The following ANKRD24 variants were observed in gnomAD, a reference collection of about 807,000 sequenced individuals.
ANKRD24 encodes the protein ankyrin repeat domain 24.
ANKRD24 carries 109 observed loss-of-function variants against 127.8 expected under a neutral mutation model. That is an observed-to-expected ratio of 0.85 (90% CI 0.73 to 1.00). ANKRD24 has a LOEUF of 1.00. ANKRD24 is among the 50% of genes least tolerant of loss of function. The probability of loss-of-function intolerance (pLI) is 0.00; values close to 1 mark genes in which losing one functional copy is unlikely to be tolerated. For missense variants in ANKRD24, 1,648 were observed against 1,570.2 expected, an observed-to-expected ratio of 1.05 and a Z score of -0.84; for synonymous variants, 743 against 671.1, an observed-to-expected ratio of 1.11 and a Z score of -1.66.
intron 13 of ANKRD24, among the ~76,000 whole-genome samples, chr19:4,211,367 G>A (rs774640835): frequency 2.1e-4 from 32 of 152,052 alleles, no homozygotes; most frequent in Non-Finnish European, 3.4e-4. Context: ...GGCTGGGCAC[G>A]GTGGCTCACA....
chr19:4,213,612 T>C (rs1436607060), intron 15 of ANKRD24, among the ~76,000 whole-genome samples: 3 of 151,500 alleles, frequency 2.0e-5, no homozygotes, highest in African/African-American at 4.9e-5. Context: ...CACGTCACCA[T>C]GTCCAGCTAA....
Position 4,207,558 on chromosome 19 carries a change from C to G in ANKRD24, c.595C>G (p.Leu199Val). 1 of 1,613,964 alleles carries G rather than the reference C, an allele frequency of 6.2e-7. No homozygotes were observed. Reference sequence around the variant, plus strand: ...GATGTGTCACACAGACCTGTGCCGTCTCCTACTGCAGCAAGGGGCTGCCGC... The same window carrying G: ...GATGTGTCACACAGACCTGTGCCGTGTCCTACTGCAGCAAGGGGCTGCCGC... ...AQMCHTDLCRLLLQQGAAAND... is the reference protein window; with the variant it reads ...AQMCHTDLCRVLLQQGAAAND... Residue 199 changes from leucine to valine, a missense_variant, in exon 9 of 22, where the codon CTC becomes GTC. Coordinates refer to ENST00000318934, the MANE Select transcript of ANKRD24 (RefSeq NM_001393985.1).
chr19:4,224,565 A>AAGGGGCCTGCAGGG lies in ANKRD24; in HGVS notation c.*60_*61insAGGGGCCTGCAGGG. ...CCACGCAGGGACCTCACCCCCCTGC[A>AAGGGGCCTGCAGGG]GGCCCCTTGCAGACCGGCTTCACTT... is the stretch of plus-strand genomic sequence containing the variant. On this transcript the variant is annotated 3_prime_UTR_variant, in exon 22 of 22. Transcript: ENST00000318934. 6.7e-7 allele frequency: 1 copy of AAGGGGCCTGCAGGG among 1,483,330 alleles called. No individual in the cohort carries two copies. Among genetic ancestry groups the AAGGGGCCTGCAGGG allele is most frequent in the Non-Finnish European group, 9.2e-7 (1 of 1,083,184 alleles). 91.9% of individuals were successfully genotyped at this position (1,483,330 alleles called of 1,614,324 possible). A position where few individuals can be genotyped will look rare whatever the true frequency, so the allele number is the denominator to read the frequency against.
intron 2 of ANKRD24, among the ~76,000 whole-genome samples, chr19:4,192,592 A>G (rs1599399366): frequency 1.3e-5 from 2 of 152,204 alleles, no homozygotes; most frequent in Admixed American, 6.6e-5. Context: ...ACTAAGATAG[A>G]CAAAAATCAC....
intron 7 of ANKRD24, among the ~76,000 whole-genome samples, chr19:4,206,265 CAGG>C (rs757203685): frequency 1.1e-4 from 17 of 151,712 alleles, no homozygotes; most frequent in South Asian, 6.3e-4. Flanking sequence ...GAGCCAGAGG[CAGG>C]AGGATTGCTT....
chr19:4,203,829 T>C (rs193096493), intron 7 of ANKRD24, among the ~76,000 whole-genome samples: 73 of 151,976 alleles, frequency 4.8e-4, no homozygotes, highest in Non-Finnish European at 7.9e-4. Context: ...TTTTGTATTT[T>C]TAGTAGAGAT....
intron 19 of ANKRD24, among the ~76,000 whole-genome samples, chr19:4,222,124 C>T (rs564442871): frequency 5.9e-5 from 9 of 152,364 alleles, no homozygotes; most frequent in Admixed American, 2.0e-4. Context: ...CGCGGTGGCT[C>T]ACGCCTGTAA....
At chr19:4,219,474 C>G in intron 18 of ANKRD24, 117 bp from the exon 19 acceptor site, 1 of 1,254,280 alleles carries the variant, frequency 8.0e-7, no homozygotes, top group Non-Finnish European at 1.1e-6. Context: ...GAGCAAGACC[C>G]TGTCTTAAAA....
chr19:4,192,975 G>T (rs1403164746), intron 2 of ANKRD24, among the ~76,000 whole-genome samples: 1 of 150,938 alleles, frequency 6.6e-6, no homozygotes, highest in Non-Finnish European at 1.5e-5. Flanking sequence ...AGAGTAAACA[G>T]AATATTTTTA....
chr19:4,197,207 C>T (rs1968795344), intron 2 of ANKRD24, among the ~76,000 whole-genome samples: 1 of 152,068 alleles, frequency 6.6e-6, no homozygotes, highest in Non-Finnish European at 1.5e-5. Context: ...GGGGCAGGGG[C>T]GGGGTGCTGG....
intron 2 of ANKRD24, among the ~76,000 whole-genome samples, chr19:4,193,193 T>G (rs1240033063): frequency 6.8e-6 from 1 of 147,390 alleles, no homozygotes; most frequent in African/African-American, 2.5e-5. Flanking sequence ...TCCCAGCTAC[T>G]CAGGAGTCTG....
At position 4,186,269 on chromosome 19, in the gene ANKRD24, TC is replaced by T. The variant is rs1968055612; in HGVS notation, c.-36-120del. 1.2e-5 allele frequency: 18 copies of T among 1,466,264 alleles called. No homozygotes were observed. The South Asian group carries it at 2.5e-4, about 21-fold the overall frequency. The allele number at this position is 1,466,264 out of a possible 1,614,324, so 90.8% of individuals were successfully genotyped here. A position where few individuals can be genotyped will look rare whatever the true frequency, so the allele number is the denominator to read the frequency against. ...GAGATAGAGCAGGTCTGTGTCTTGC[TC>T]TAGGGGCCAGGACTGGTCAGGAAGG... On this transcript the variant is annotated intron_variant, in intron 1 of 21. Coordinates refer to ENST00000318934, the MANE Select transcript of ANKRD24 (RefSeq NM_001393985.1).
Position 4,199,478 on chromosome 19 carries a change from C to T in ANKRD24, c.37-205C>T, listed in dbSNP as rs1055715148. ...CCTCCCACCTTGGCCTCCCCAGATG[C>T]TGGGACTACAGGCGTGAGCCTCCAT... On this transcript the variant is annotated intron_variant, in intron 2 of 21. Coordinates refer to ENST00000318934, the MANE Select transcript of ANKRD24 (RefSeq NM_001393985.1). This position sits in a 1 kb window ranked among gnomAD's most constrained non-coding sequence, Gnocchi z 5.2. 40 of 984,562 alleles carry T rather than the reference C, an allele frequency of 4.1e-5. No individual in the cohort carries two copies. The highest frequency in any genetic ancestry group is 4.5e-5 in the Non-Finnish European group (37 of 829,236). The allele number at this position is 984,562 out of a possible 1,614,324, so 61.0% of individuals were successfully genotyped here.
At chr19:4,194,344 G>T (rs574713028) in intron 2 of ANKRD24, among the ~76,000 whole-genome samples, 14 of 152,176 alleles carry the variant, frequency 9.2e-5, no homozygotes, top group African/African-American at 2.9e-4. Context: ...GTAGAGACGG[G>T]GTTTCACCAT....
Position 4,212,593 on chromosome 19 carries a change from C to T in ANKRD24, c.1099-7C>T. Reference sequence around the variant, plus strand: ...AGAGGCAGCTGAGCCTCCACTGCTGCTCCCAGGTGCAAGAGCTACAGCAGT... The same window carrying T: ...AGAGGCAGCTGAGCCTCCACTGCTGTTCCCAGGTGCAAGAGCTACAGCAGT... On this transcript the variant is annotated splice_polypyrimidine_tract_variant and splice_region_variant and intron_variant, in intron 14 of 21. Transcript: ENST00000318934. The T allele has an allele frequency of 1.9e-6, 3 of 1,550,440 alleles. No individual in the cohort carries two copies. The highest frequency in any genetic ancestry group is 2.6e-6 in the Non-Finnish European group (3 of 1,146,730).
chr19:4,194,194 GCT>G (rs1264762587), intron 2 of ANKRD24, among the ~76,000 whole-genome samples: 1 of 152,128 alleles, frequency 6.6e-6, no homozygotes, highest in East Asian at 1.9e-4. Context: ...ATGGAGTCTG[GCT>G]CTGTCACCCA....
chr19:4,224,048 C>T lies in ANKRD24; in HGVS notation c.3298-79C>T. The T allele has an allele frequency of 2.5e-6, 3 of 1,193,276 alleles. No homozygotes were observed. The South Asian group carries it at 4.0e-5, about 16-fold the overall frequency. 73.9% of individuals were successfully genotyped at this position (1,193,276 alleles called of 1,614,324 possible). On this transcript the variant is annotated intron_variant, in intron 20 of 21. Coordinates refer to ENST00000318934, the MANE Select transcript of ANKRD24 (RefSeq NM_001393985.1). ...GCCATCAACGTACAGGCTTGGGGTG[C>T]AAAGGGTGCTTTTTGGTGTGTTTTG... is the stretch of plus-strand genomic sequence containing the variant.
chr19:4,209,752 CT>C (rs1444440105), intron 11 of ANKRD24, among the ~76,000 whole-genome samples: 1 of 152,168 alleles, frequency 6.6e-6, no homozygotes, highest in African/African-American at 2.4e-5. Context: ...GCGCTGGCCC[CT>C]CTCCCAGTTT....
Position 4,218,113 on chromosome 19 carries a change from C to A in ANKRD24, c.2953C>A (p.Leu985Met). 1 of 1,542,244 alleles carries A rather than the reference C, an allele frequency of 6.5e-7. No homozygotes were observed. The highest frequency in any genetic ancestry group is 8.7e-7 in the Non-Finnish European group (1 of 1,146,106). Residue 985 changes from leucine to methionine, a missense_variant, in exon 18 of 22, where the codon CTG becomes ATG. Transcript: ENST00000318934. ...CAACGTGGCCCAGCTGGAGGGGCAG[C>A]TGGAGGAGCTGGGACGGCGGCATGA... ...QANVAQLEGQ[L>M]EELGRRHEKT...
Sources: gnomAD v4.1 joint callset for allele counts (sites outside exome capture counted in the v4.1 genomes callset) on GRCh38, gnomAD v4.1.1 for gene constraint, Gnocchi (gnomAD v3.1) non-coding constraint, MANE v1.5 for transcripts, NCBI Gene and HGNC (gene_info 2026-07-23, HGNC 2026-07-21) for gene names.